Variants in DIP2A observed in about 807,000 individuals in gnomAD.
DIP2A encodes disco-interacting protein 2 homolog A.
A neutral mutation model predicts 177.4 loss-of-function variants in DIP2A; 85 were observed. That is an observed-to-expected ratio of 0.48 (90% CI 0.40 to 0.57). DIP2A has a LOEUF of 0.57. DIP2A is among the 20% of genes least tolerant of loss of function. DIP2A has a pLI of 0.00. For missense variants in DIP2A, 1,791 were observed against 2,100.2 expected, an observed-to-expected ratio of 0.85 and a Z score of 2.88; for synonymous variants, 886 against 881.8, an observed-to-expected ratio of 1.00 and a Z score of -0.08.
At chr21:46,459,417 C>T (rs1270065068) in intron 1 of DIP2A, among the ~76,000 whole-genome samples, 195 bp downstream of exon 1, 1 of 150,768 alleles carries the variant, frequency 6.6e-6, no homozygotes, top group Non-Finnish European at 1.5e-5. Context: ...GGAACCCGCC[C>T]CTCGCCCCGG....
intron 1 of DIP2A, among the ~76,000 whole-genome samples, chr21:46,473,472 G>A (rs1363644162): frequency 6.8e-6 from 1 of 147,804 alleles, no homozygotes; most frequent in Non-Finnish European, 1.5e-5. Context: ...AAAAAAGGGG[G>A]GGGGGCCATG....
intron 18 of DIP2A, 90 bp from the exon 19 acceptor site, chr21:46,545,047 C>T: frequency 7.5e-7 from 1 of 1,337,138 alleles, no homozygotes; most frequent in South Asian, 1.6e-5. Flanking sequence ...ATCCTGTTTC[C>T]ATAACCGCAC....
intron 8 of DIP2A, among the ~76,000 whole-genome samples, chr21:46,513,844 T>G (rs4819260): frequency 0.16 from 24,314 of 152,052 alleles, 2,205 homozygotes; most frequent in African/African-American, 0.21. Flanking sequence ...ATGCAAATAT[T>G]CCAAAATCTA....
chr21:46,566,474 GC>G, intron 36 of DIP2A, 85 bp from the exon 37 acceptor site: 1 of 1,570,682 alleles, frequency 6.4e-7, no homozygotes. Flanking sequence ...GTGCCTGAGA[GC>G]CCCTGGTTGG....
intron 32 of DIP2A, 100 bp from the exon 33 acceptor site, chr21:46,560,622 C>T: frequency 2.0e-6 from 3 of 1,497,464 alleles, no homozygotes; most frequent in Non-Finnish European, 1.8e-6. Flanking sequence ...TCTTGGGTGT[C>T]CCCGGGGGCC....
Position 46,538,491 on chromosome 21 carries a change from G to A in DIP2A, c.1810G>A (p.Ala604Thr), listed in dbSNP as rs764839315. The A allele has an allele frequency of 3.2e-6, 5 of 1,546,002 alleles. No individual in the cohort carries two copies. The highest frequency in any genetic ancestry group is 3.5e-6 in the Non-Finnish European group (4 of 1,148,160). Reference protein sequence around the residue: ...QKVCFYKARAALVKSRDMHWS... With the variant: ...QKVCFYKARATLVKSRDMHWS... ...CCATCCTCTCTCTGCAGCTCGGGCC[G>A]CGCTGGTGAAGTCGCGAGACATGCA... Residue 604 changes from alanine to threonine, a missense_variant, in exon 16 of 38, where the codon GCG (alanine) becomes ACG (threonine). By Grantham distance (58) the Ala-to-Thr change is moderately conservative (BLOSUM62 0). Coordinates refer to ENST00000417564, the MANE Select transcript of DIP2A (RefSeq NM_015151.4).
intron 5 of DIP2A, among the ~76,000 whole-genome samples, chr21:46,501,703 A>G (rs1057215330): frequency 6.6e-6 from 1 of 152,174 alleles, no homozygotes; most frequent in Admixed American, 6.5e-5. Context: ...GATTATAGGA[A>G]TGAGCCACTG....
chr21:46,486,080 AAAAAAAAAAAAGAACT>A (rs1208172545), intron 2 of DIP2A, among the ~76,000 whole-genome samples: 1 of 48,630 alleles, frequency 2.1e-5, no homozygotes, highest in Non-Finnish European at 4.2e-5. Context: ...CAAAAAAAAA[AAAAAAAAAAAAGAACT>A]AAAGAACTAG....
intron 1 of DIP2A, among the ~76,000 whole-genome samples, chr21:46,472,599 G>A (rs1455043796): frequency 6.6e-6 from 1 of 152,220 alleles, no homozygotes; most frequent in Non-Finnish European, 1.5e-5. Context: ...AGAAGGAGGA[G>A]CGGGGATGGA....
chr21:46,538,787 T>C, intron 16 of DIP2A, 185 bp downstream of exon 16: 2 of 856,638 alleles, frequency 2.3e-6, no homozygotes, highest in South Asian at 3.8e-5. Context: ...TGCATGTTTA[T>C]TAGGCCACTA....
chr21:46,521,830 C>T (rs1387731656), intron 8 of DIP2A, among the ~76,000 whole-genome samples: 1 of 152,232 alleles, frequency 6.6e-6, no homozygotes, highest in African/African-American at 2.4e-5. Flanking sequence ...CTCAAACCTT[C>T]AGCATTATTC....
chr21:46,546,188 G>A (rs1329899523), intron 20 of DIP2A: 23 of 1,320,572 alleles, frequency 1.7e-5, no homozygotes, highest in East Asian at 8.3e-5. Context: ...GGGGGTCCCC[G>A]GGGTGGATGA....
At chr21:46,528,527 C>CCTTTTTTTT (rs2059207496) in intron 8 of DIP2A, among the ~76,000 whole-genome samples, 1 of 29,380 alleles carries the variant, frequency 3.4e-5, no homozygotes, top group South Asian at 1.9e-3. Context: ...TTTCTGCTTG[C>CCTTTTTTTT]TTTTTTTTTT....
At chr21:46,471,775 G>A (rs1445416496) in intron 1 of DIP2A, among the ~76,000 whole-genome samples, 1 of 152,174 alleles carries the variant, frequency 6.6e-6, no homozygotes, top group Non-Finnish European at 1.5e-5. Flanking sequence ...GTTCTTGAAG[G>A]CAGCAGCTAA....
intron 23 of DIP2A, among the ~76,000 whole-genome samples, chr21:46,551,306 A>T (rs117783236): frequency 0.049 from 7,467 of 152,304 alleles, 252 homozygotes; most frequent in Non-Finnish European, 0.069. Flanking sequence ...AATACATTTC[A>T]TCAGGAAGAT....
At chr21:46,511,706 C>A (rs2058322130) in intron 8 of DIP2A, 92 bp downstream of exon 8, 4 of 1,283,114 alleles carry the variant, frequency 3.1e-6, no homozygotes, top group Non-Finnish European at 3.1e-6. Context: ...GATAAATATT[C>A]CTGAGAAACC....
intron 1 of DIP2A, chr21:46,462,707 G>A (rs145434889): frequency 6.6e-6 from 1 of 152,148 alleles, no homozygotes; most frequent in African/African-American, 2.4e-5. Context: ...CACTGTGCTT[G>A]GTAGGTTGGA....
chr21:46,547,294 T>C, intron 21 of DIP2A: 2 of 1,091,130 alleles, frequency 1.8e-6, no homozygotes, highest in Non-Finnish European at 2.3e-6. Context: ...GGGCAAAGGC[T>C]CAAGGGGACA....
chr21:46,473,868 C>T (rs1764594457), intron 1 of DIP2A, among the ~76,000 whole-genome samples: 1 of 152,146 alleles, frequency 6.6e-6, no homozygotes, highest in African/African-American at 2.4e-5. Context: ...GCCAGCAGTA[C>T]CCCCACACAG....
Sources: gnomAD v4.1 joint callset for allele counts (sites outside exome capture counted in the v4.1 genomes callset) on GRCh38, gnomAD v4.1.1 for gene constraint, MANE v1.5 for transcripts, NCBI Gene and HGNC (gene_info 2026-07-23, HGNC 2026-07-21) for gene names.